Variants in VPS13B observed in about 807,000 individuals in gnomAD.
VPS13B encodes vacuolar protein sorting 13 homolog B.
A neutral mutation model predicts 426.4 loss-of-function variants in VPS13B; 285 were observed. The observed-to-expected ratio is 0.67, with a 90% CI of 0.61 to 0.74. The LOEUF is 0.74. Among genes scored for constraint, VPS13B ranks in the 30% least tolerant of loss-of-function variants. The pLI is 0.00. For missense variants in VPS13B, 4,537 were observed against 4,782.6 expected, an observed-to-expected ratio of 0.95 and a Z score of 1.51; for synonymous variants, 1,676 against 1,676.4, an observed-to-expected ratio of 1.00 and a Z score of 0.01.
chr8:99,635,754 A>G (rs1829041137), intron 33 of VPS13B, among the ~76,000 whole-genome samples: 1 of 152,024 alleles, frequency 6.6e-6, no homozygotes, highest in Admixed American at 6.6e-5. Context: ...TGGCTGAACA[A>G]GAAGTTTCAA....
chr8:99,572,619 C>A (rs1384595494), intron 31 of VPS13B, among the ~76,000 whole-genome samples: 1 of 152,226 alleles, frequency 6.6e-6, no homozygotes, highest in Non-Finnish European at 1.5e-5. Flanking sequence ...CATGTCCCTA[C>A]AAAGGACGTG....
intron 35 of VPS13B, among the ~76,000 whole-genome samples, chr8:99,674,875 G>T (rs1165630838): frequency 1.3e-5 from 2 of 151,856 alleles, no homozygotes; most frequent in African/African-American, 2.4e-5. Flanking sequence ...CATTTTGAAT[G>T]TTATTTAAAA....
intron 39 of VPS13B, among the ~76,000 whole-genome samples, chr8:99,749,901 T>G (rs1367357463): frequency 6.6e-6 from 1 of 152,060 alleles, no homozygotes; most frequent in African/African-American, 2.4e-5. Context: ...TCACCAGCAT[T>G]TATTATTGCC....
At chr8:99,810,346 G>A (rs189056028) in intron 44 of VPS13B, among the ~76,000 whole-genome samples, 11 of 152,324 alleles carry the variant, frequency 7.2e-5, no homozygotes, top group Non-Finnish European at 1.5e-4. Flanking sequence ...AGTCTACCCA[G>A]AGCTTTTGTG....
chr8:99,358,187 A>C (rs1054674645), intron 19 of VPS13B, among the ~76,000 whole-genome samples: 1 of 152,198 alleles, frequency 6.6e-6, no homozygotes, highest in South Asian at 2.1e-4. Context: ...TGACTGCAGC[A>C]GTTGGTTTGG....
At chr8:99,513,015 GAAA>G (rs201570928) in intron 29 of VPS13B, among the ~76,000 whole-genome samples, 2 of 103,508 alleles carry the variant, frequency 1.9e-5, no homozygotes, top group South Asian at 6.0e-4. Context: ...TCTCAAGTGG[GAAA>G]AAAAAAAAAA....
At chr8:99,832,738 C>T (rs1323176562) in intron 52 of VPS13B, 86 bp downstream of exon 52, 2 of 1,353,796 alleles carry the variant, frequency 1.5e-6, no homozygotes, top group Non-Finnish European at 2.1e-6. Flanking sequence ...ACAATGGTCG[C>T]AGGGCTCCCC....
intron 16 of VPS13B, among the ~76,000 whole-genome samples, chr8:99,183,677 T>G (rs1052854896): frequency 6.6e-6 from 1 of 152,128 alleles, no homozygotes; most frequent in African/African-American, 2.4e-5. Context: ...AACTAATATA[T>G]AAATATATTT....
chr8:99,575,537 C>T lies in VPS13B; in HGVS notation c.4950-121C>T, dbSNP rs1825735427. Reference sequence around the variant, plus strand: ...TGACTGTAAAATATGCAAATAGGCACTCTCAAAATAATAATGTAATTTTGC... The same window carrying T: ...TGACTGTAAAATATGCAAATAGGCATTCTCAAAATAATAATGTAATTTTGC... On this transcript the variant is annotated intron_variant, in intron 31 of 61. Coordinates refer to ENST00000357162, the MANE Select transcript of VPS13B (RefSeq NM_152564.5). The T allele has an allele frequency of 2.1e-5, 25 of 1,213,326 alleles. No individual in the cohort carries two copies. The South Asian group carries it at 3.1e-4, about 15-fold the overall frequency. The allele number at this position is 1,213,326 out of a possible 1,614,324, so 75.2% of individuals were successfully genotyped here.
chr8:99,140,275 G>A (rs1305700470), intron 12 of VPS13B, among the ~76,000 whole-genome samples: 3 of 146,526 alleles, frequency 2.0e-5, no homozygotes, highest in Non-Finnish European at 3.0e-5. Context: ...TGAGGCAGGA[G>A]AATCACTTGA....
chr8:99,260,329 A>G (rs1420589976), intron 17 of VPS13B, among the ~76,000 whole-genome samples: 1 of 152,096 alleles, frequency 6.6e-6, no homozygotes, highest in African/African-American at 2.4e-5. Flanking sequence ...TAGATGTGAG[A>G]TGTGAATCTT....
intron 17 of VPS13B, among the ~76,000 whole-genome samples, chr8:99,227,414 T>C (rs1035698803): frequency 2.6e-5 from 4 of 152,218 alleles, no homozygotes; most frequent in Non-Finnish European, 5.9e-5. Flanking sequence ...ATATTTAACC[T>C]ATTAATGCCA....
chr8:99,016,949 A>G (rs1841654750), intron 2 of VPS13B, among the ~76,000 whole-genome samples: 1 of 151,808 alleles, frequency 6.6e-6, no homozygotes, highest in Non-Finnish European at 1.5e-5. Flanking sequence ...TGCAGTATTT[A>G]CTCTCAGTTT....
At chr8:99,150,401 CA>C (rs1811004781) in intron 14 of VPS13B, among the ~76,000 whole-genome samples, 1 of 152,154 alleles carries the variant, frequency 6.6e-6, no homozygotes, top group Admixed American at 6.5e-5. Context: ...CAGTATCACC[CA>C]AAGTCCACAG....
At chr8:99,366,578 A>G (rs1198210206) in intron 19 of VPS13B, among the ~76,000 whole-genome samples, 1 of 148,238 alleles carries the variant, frequency 6.7e-6, no homozygotes. Context: ...TTGATTGGAC[A>G]GGTTAGTCCA....
At position 99,274,928 on chromosome 8, in the gene VPS13B, C is replaced by T. The variant is rs534986899; in HGVS notation, c.2651-153C>T. 1.8e-4 allele frequency among the ~76,000 whole-genome samples: 27 copies of T among 152,160 alleles called. No homozygotes were observed. The East Asian group carries it at 4.6e-3, about 26-fold the overall frequency. On this transcript the variant is annotated intron_variant, in intron 18 of 61. Coordinates refer to ENST00000357162, the MANE Select transcript of VPS13B (RefSeq NM_152564.5). ...AAACTTAAGAGTTAAAAATGCTTTA[C>T]ATTTTATGAGACTCAGTATAATTAA...
intron 23 of VPS13B, among the ~76,000 whole-genome samples, chr8:99,459,842 G>T (rs1210831917): frequency 6.6e-6 from 1 of 151,854 alleles, no homozygotes; most frequent in Non-Finnish European, 1.5e-5. Context: ...AGTTGACCCT[G>T]TTTATTATTA....
chr8:99,325,957 GAT>G (rs374048733), intron 19 of VPS13B, among the ~76,000 whole-genome samples: 25 of 151,832 alleles, frequency 1.6e-4, no homozygotes, highest in African/African-American at 5.8e-4. Context: ...TTTTCCATAG[GAT>G]ATGTTTTTTG....
chr8:99,392,539 A>G (rs1814501460), intron 21 of VPS13B, among the ~76,000 whole-genome samples: 3 of 152,100 alleles, frequency 2.0e-5, no homozygotes, highest in African/African-American at 4.8e-5. Context: ...AATCAGAACC[A>G]TCTATCAAGT....
Sources: allele counts gnomAD v4.1 joint callset (sites outside exome capture counted in the v4.1 genomes callset), GRCh38; gene constraint gnomAD v4.1.1; transcripts MANE v1.5; gene names NCBI Gene and HGNC (gene_info 2026-07-23, HGNC 2026-07-21).